Variants in CRIM1 observed in about 807,000 individuals in gnomAD.
CRIM1 encodes cysteine-rich motor neuron 1 protein.
A neutral mutation model predicts 116.4 loss-of-function variants in CRIM1; 32 were observed. The ratio of observed to expected loss-of-function variants is 0.27; its 90% CI spans 0.21 to 0.37. The LOEUF (loss-of-function observed/expected upper bound fraction) is 0.37. CRIM1 is among the 10% of genes least tolerant of loss of function. The probability of loss-of-function intolerance (pLI) is 1.00; values close to 1 mark genes in which losing one functional copy is unlikely to be tolerated. For missense variants in CRIM1, 1,331 were observed against 1,354.8 expected (o/e 0.98, Z 0.28); for synonymous variants, 590 against 509.2 (o/e 1.16, Z -2.13).
chr2:36,384,505 T>C lies in CRIM1; in HGVS notation c.332-12109T>C, dbSNP rs528684576. Among the ~76,000 whole-genome samples the C allele has an allele frequency of 1.5e-4, 23 of 152,358 alleles. 1 individual carries two copies. The highest frequency in any genetic ancestry group is 5.3e-4 in the African/African-American group (22 of 41,578). On this transcript the variant is annotated intron_variant, in intron 1 of 16. Coordinates refer to ENST00000280527, the MANE Select transcript of CRIM1 (RefSeq NM_016441.3). Reference sequence around the variant, plus strand: ...GATACTACACAAAGGAAACTCAGTTTTGTGAAAAACGTGTAAATATGTTTT... The same window carrying C: ...GATACTACACAAAGGAAACTCAGTTCTGTGAAAAACGTGTAAATATGTTTT...
intron 4 of CRIM1, among the ~76,000 whole-genome samples, chr2:36,457,900 C>T (rs149495596): frequency 6.6e-6 from 1 of 152,268 alleles, no homozygotes; most frequent in East Asian, 1.9e-4. Context: ...CCATTCCCGA[C>T]AAGCTATTTC....
intron 4 of CRIM1, among the ~76,000 whole-genome samples, chr2:36,443,740 G>A (rs1406374031): frequency 1.3e-5 from 2 of 152,158 alleles, no homozygotes; most frequent in Admixed American, 1.3e-4. Context: ...TCAGTTATCT[G>A]TCCGTAATTG....
chr2:36,411,930 A>G (rs1266323431), intron 2 of CRIM1, among the ~76,000 whole-genome samples: 2 of 152,148 alleles, frequency 1.3e-5, no homozygotes, highest in Admixed American at 6.6e-5. Flanking sequence ...TTCCATTTTC[A>G]TTTCCCTTAT....
intron 7 of CRIM1, among the ~76,000 whole-genome samples, chr2:36,484,182 T>C (rs1374700245): frequency 1.3e-5 from 2 of 152,208 alleles, no homozygotes; most frequent in African/African-American, 4.8e-5. Flanking sequence ...TAACTGGGGC[T>C]TCCCAGACCC....
chr2:36,515,726 G>A (rs766265827), intron 11 of CRIM1, among the ~76,000 whole-genome samples: 16 of 152,088 alleles, frequency 1.1e-4, no homozygotes, highest in Non-Finnish European at 2.1e-4. Flanking sequence ...GAGGCATATC[G>A]TACGGCAAAA....
At chr2:36,534,857 G>A (rs1572950747) in intron 13 of CRIM1, among the ~76,000 whole-genome samples, 2 of 151,972 alleles carry the variant, frequency 1.3e-5, no homozygotes, top group African/African-American at 2.4e-5. Flanking sequence ...TTCTTTGTAC[G>A]GTAACACTGT....
At chr2:36,357,086 G>A (rs903269629) in intron 1 of CRIM1, among the ~76,000 whole-genome samples, 2 of 152,188 alleles carry the variant, frequency 1.3e-5, no homozygotes, top group Non-Finnish European at 2.9e-5. Context: ...TTCTGTTGGC[G>A]GAGGAGACGT....
chr2:36,514,863 A>G (rs187215297), intron 11 of CRIM1, among the ~76,000 whole-genome samples: 1 of 152,372 alleles, frequency 6.6e-6, no homozygotes, highest in Non-Finnish European at 1.5e-5. Context: ...CTCAATAGCT[A>G]CAGTATCAGA....
At position 36,516,464 on chromosome 2, in the gene CRIM1, G is replaced by C. The variant is rs952436193; in HGVS notation, c.1991-863G>C. ...CAGGGCAACTCCCAGCCCCTCTTCA[G>C]ACATTTTCAACATTAAATTCCCTCT... On this transcript the variant is annotated intron_variant, in intron 11 of 16. Transcript: ENST00000280527. Among the ~76,000 whole-genome samples the C allele has an allele frequency of 1.8e-4, 27 of 152,252 alleles. No individual in the cohort carries two copies. The South Asian group carries it at 2.7e-3, about 15-fold the overall frequency.
chr2:36,547,229 T>C, intron 16 of CRIM1, 58 bp downstream of exon 16: 1 of 1,396,104 alleles, frequency 7.2e-7, no homozygotes, highest in South Asian at 1.2e-5. Context: ...CTTACACTCA[T>C]ATTGAAATTG....
chr2:36,387,123 T>G (rs1448982460), intron 1 of CRIM1, among the ~76,000 whole-genome samples: 2 of 152,150 alleles, frequency 1.3e-5, no homozygotes, highest in Admixed American at 6.5e-5. Flanking sequence ...CCTTAAGAAG[T>G]TTGGTTAGGC....
intron 1 of CRIM1, among the ~76,000 whole-genome samples, chr2:36,368,691 C>T (rs948219244): frequency 6.6e-6 from 1 of 152,164 alleles, no homozygotes; most frequent in Non-Finnish European, 1.5e-5. Context: ...GGGAGTATGT[C>T]ATATGAGAAA....
chr2:36,387,827 A>G (rs1434951594), intron 1 of CRIM1, among the ~76,000 whole-genome samples: 1 of 152,186 alleles, frequency 6.6e-6, no homozygotes, highest in African/African-American at 2.4e-5. Context: ...TTTCTCAAGA[A>G]CCAGTTTTTT....
chr2:36,492,024 CTT>C (rs948006602), intron 7 of CRIM1, among the ~76,000 whole-genome samples: 2 of 152,046 alleles, frequency 1.3e-5, no homozygotes, highest in African/African-American at 4.8e-5. Context: ...TTTAATTTGT[CTT>C]TTGTGGTCTT....
chr2:36,408,029 A>G (rs189118591), intron 2 of CRIM1, among the ~76,000 whole-genome samples: 124 of 152,256 alleles, frequency 8.1e-4, no homozygotes, highest in African/African-American at 2.8e-3. Flanking sequence ...TCCATACCTA[A>G]TCCCAGGTTG....
intron 5 of CRIM1, among the ~76,000 whole-genome samples, chr2:36,465,139 G>A (rs1341901137): frequency 1.3e-5 from 2 of 152,224 alleles, no homozygotes; most frequent in Non-Finnish European, 2.9e-5. Context: ...CTGAGAGGCG[G>A]TGGGGAAGAC....
chr2:36,513,529 T>G, intron 10 of CRIM1, 27 bp from the exon 11 acceptor site: 1 of 1,605,428 alleles, frequency 6.2e-7, no homozygotes, highest in Middle Eastern at 1.7e-4. Flanking sequence ...AGCCACTTCT[T>G]TACCAGGCTG....
Position 36,502,669 on chromosome 2 carries a change from A to G in CRIM1, c.1501+3322A>G, listed in dbSNP as rs77353602. Among the ~76,000 whole-genome samples, 1,320 of 152,288 alleles carry G rather than the reference A, an allele frequency of 8.7e-3. 10 individuals carry two copies. The highest frequency in any genetic ancestry group is 0.014 in the Non-Finnish European group (949 of 68,020). On this transcript the variant is annotated intron_variant, in intron 8 of 16. Transcript: ENST00000280527. Reference sequence around the variant, plus strand: ...GCATAAACACTCATGAAATATCACTACTTTAAGCCAAAAGCTATAACGTAC... The same window carrying G: ...GCATAAACACTCATGAAATATCACTGCTTTAAGCCAAAAGCTATAACGTAC...
At chr2:36,488,166 A>G (rs1483194323) in intron 7 of CRIM1, among the ~76,000 whole-genome samples, 1 of 152,220 alleles carries the variant, frequency 6.6e-6, no homozygotes, top group East Asian at 1.9e-4. Flanking sequence ...TTAAACCCCC[A>G]TTAGAACTTT....
Sources: allele counts gnomAD v4.1 joint callset (sites outside exome capture counted in the v4.1 genomes callset), GRCh38; gene constraint gnomAD v4.1.1; transcripts MANE v1.5; gene names NCBI Gene and HGNC (gene_info 2026-07-23, HGNC 2026-07-21).